RYK: variants seen among roughly 807,000 people sequenced by gnomAD.
RYK encodes the protein inactive tyrosine-protein kinase RYK.
Under a neutral mutation model 70.2 loss-of-function variants are expected in RYK, and 21 were observed. The ratio of observed to expected loss-of-function variants is 0.30; its 90% CI spans 0.21 to 0.43. RYK has a LOEUF of 0.43. RYK is among the 20% of genes least tolerant of loss of function. RYK has a pLI of 1.00. For missense variants in RYK, 604 were observed against 753.3 expected, an observed-to-expected ratio of 0.80 and a Z score of 2.32; for synonymous variants, 267 against 278.0, an observed-to-expected ratio of 0.96 and a Z score of 0.39.
At chr3:134,239,840 G>A (rs893031460) in intron 1 of RYK, among the ~76,000 whole-genome samples, 4 of 152,234 alleles carry the variant, frequency 2.6e-5, no homozygotes, top group Admixed American at 1.3e-4. Flanking sequence ...AGGCACTGGG[G>A]ATCAACCCTA....
chr3:134,214,339 T>C (rs1415963560), intron 2 of RYK, among the ~76,000 whole-genome samples: 1 of 152,178 alleles, frequency 6.6e-6, no homozygotes, highest in Non-Finnish European at 1.5e-5. Context: ...GTTCTCTGAT[T>C]CCATCACTCC....
chr3:134,185,682 T>C (rs1366299681), intron 9 of RYK, among the ~76,000 whole-genome samples: 3 of 152,144 alleles, frequency 2.0e-5, no homozygotes, highest in Non-Finnish European at 4.4e-5. Context: ...CCAGGACTAC[T>C]GGAGGCTAGT....
intron 1 of RYK, among the ~76,000 whole-genome samples, chr3:134,240,615 T>C (rs1419383437): frequency 1.3e-5 from 2 of 152,202 alleles, no homozygotes; most frequent in African/African-American, 2.4e-5. Flanking sequence ...AAAATTCATG[T>C]AGGAGGTCAG....
At chr3:134,173,236 G>A (rs1458648931) in intron 13 of RYK, among the ~76,000 whole-genome samples, 3 of 151,284 alleles carry the variant, frequency 2.0e-5, no homozygotes, top group South Asian at 2.1e-4. Context: ...AGCTGCAATC[G>A]CGCCACTGCA....
intron 2 of RYK, among the ~76,000 whole-genome samples, chr3:134,214,901 C>T (rs1305040326): frequency 3.9e-5 from 6 of 152,196 alleles, no homozygotes; most frequent in African/African-American, 1.2e-4. Context: ...ATTTTCCTCT[C>T]CAAATGTAAA....
intron 6 of RYK, among the ~76,000 whole-genome samples, chr3:134,202,324 T>C (rs1009524161): frequency 2.0e-5 from 3 of 152,080 alleles, no homozygotes; most frequent in African/African-American, 7.2e-5. Flanking sequence ...TGAGAACCAA[T>C]GGTTTAAATC....
chr3:134,208,420 TATA>T (rs2014281540), intron 4 of RYK, among the ~76,000 whole-genome samples: 1 of 152,202 alleles, frequency 6.6e-6, no homozygotes, highest in Non-Finnish European at 1.5e-5. Flanking sequence ...ATATCAAATA[TATA>T]ATGACTACAT....
chr3:134,167,821 G>A (rs187294209), intron 13 of RYK, among the ~76,000 whole-genome samples: 135 of 152,204 alleles, frequency 8.9e-4, no homozygotes, highest in African/African-American at 2.5e-3. Flanking sequence ...AGAAGCTACC[G>A]TCAGAGTGAA....
intron 2 of RYK, among the ~76,000 whole-genome samples, chr3:134,213,988 G>A (rs917376466): frequency 6.6e-6 from 1 of 152,024 alleles, no homozygotes; most frequent in Admixed American, 6.5e-5. Flanking sequence ...TGTATTTTTA[G>A]TAGAGACGAG....
chr3:134,205,222 A>G (rs1192899568), intron 5 of RYK, among the ~76,000 whole-genome samples: 2 of 152,238 alleles, frequency 1.3e-5, no homozygotes, highest in East Asian at 3.9e-4. Flanking sequence ...CTCCATGCAC[A>G]GACGTTAAAC....
chr3:134,175,716 A>C lies in RYK; in HGVS notation c.1468T>G (p.Leu490Val). ...KITDNALSRDLFPMDYHCLGD... is the reference protein window; with the variant it reads ...KITDNALSRDVFPMDYHCLGD... Reference sequence around the variant, plus strand: ...AGACAGTGATAGTCCATGGGGAACAAGTCTCTGGAGAGGGCATTGTCTGTG... The same window carrying C: ...AGACAGTGATAGTCCATGGGGAACACGTCTCTGGAGAGGGCATTGTCTGTG... The change falls in exon 13 of 15, where the codon TTG becomes GTG. Residue 490 changes from leucine (L) to valine (V), a missense_variant. This residue lies in a region of RYK where 138 missense variants were observed against 217.4 expected (regional missense o/e 0.63). Coordinates refer to ENST00000623711, the MANE Select transcript of RYK (RefSeq NM_002958.4). The C allele has an allele frequency of 6.2e-7, 1 of 1,613,956 alleles. No individual in the cohort carries two copies. The highest frequency in any genetic ancestry group is 8.5e-7 in the Non-Finnish European group (1 of 1,179,846).
intron 1 of RYK, among the ~76,000 whole-genome samples, chr3:134,247,062 G>A (rs746870268): frequency 1.3e-4 from 20 of 151,782 alleles, no homozygotes; most frequent in Admixed American, 1.1e-3. Flanking sequence ...AATAGGTAAC[G>A]AATCAAAACG....
intron 5 of RYK, among the ~76,000 whole-genome samples, chr3:134,204,959 C>G (rs2014169775): frequency 6.6e-6 from 1 of 152,128 alleles, no homozygotes; most frequent in Non-Finnish European, 1.5e-5. Flanking sequence ...TTCAGAGAGA[C>G]AGCACTGGCT....
At position 134,250,651 on chromosome 3, in the gene RYK, G is replaced by A; in HGVS notation, c.4C>T (p.Arg2Cys). The change falls in exon 1 of 15, where the codon CGT (arginine) becomes TGT (cysteine). Residue 2 changes from arginine to cysteine, a missense_variant. Transcript: ENST00000623711. M[R>C]GAARLGRPGR... ...GGCCGCCCCAGCCGCGCCGCCCCAC[G>A]CATGGCCGCCGCCGCCGCCGCCGAA... is the stretch of plus-strand genomic sequence containing the variant. The A allele has an allele frequency of 1.0e-6, 1 of 981,560 alleles. No homozygotes were observed. The highest frequency in any genetic ancestry group is 4.6e-5 in the South Asian group (1 of 21,922). The allele number at this position is 981,560 out of a possible 1,614,324, so 60.8% of individuals were successfully genotyped here. A position where few individuals can be genotyped will look rare whatever the true frequency, so the allele number is the denominator to read the frequency against.
intron 8 of RYK, among the ~76,000 whole-genome samples, chr3:134,189,197 T>C (rs1272125771): frequency 6.6e-6 from 1 of 152,194 alleles, no homozygotes; most frequent in African/African-American, 2.4e-5. Flanking sequence ...ACTAATGATA[T>C]AGCCAGGAGC....
chr3:134,163,908 G>T (rs889466173), intron 13 of RYK, among the ~76,000 whole-genome samples: 3 of 152,214 alleles, frequency 2.0e-5, no homozygotes, highest in African/African-American at 7.2e-5. Flanking sequence ...AGAAGGAGAA[G>T]AATTATCTGG....
chr3:134,246,255 AT>A (rs1227873572), intron 1 of RYK, among the ~76,000 whole-genome samples: 1 of 148,830 alleles, frequency 6.7e-6, no homozygotes, highest in African/African-American at 2.5e-5. Flanking sequence ...TTTAAAGATC[AT>A]TTGTAGTGGG....
intron 13 of RYK, 149 bp downstream of exon 13, chr3:134,175,460 T>G (rs938342089): frequency 1.2e-6 from 1 of 816,270 alleles, no homozygotes; most frequent in Non-Finnish European, 2.0e-6. Flanking sequence ...ACTGGTTGAC[T>G]GGCAGCTAAT....
At chr3:134,183,753 C>T (rs1224368179) in intron 9 of RYK, among the ~76,000 whole-genome samples, 1 of 152,160 alleles carries the variant, frequency 6.6e-6, no homozygotes, top group Non-Finnish European at 1.5e-5. Flanking sequence ...GTAATAAGAG[C>T]ACTGTTCAAT....
Sources: gnomAD v4.1 joint callset for allele counts (sites outside exome capture counted in the v4.1 genomes callset) on GRCh38, gnomAD v4.1.1 for gene constraint, gnomAD v4.1.1 regional missense constraint, MANE v1.5 for transcripts, NCBI Gene and HGNC (gene_info 2026-07-23, HGNC 2026-07-21) for gene names.